PVT1: variants seen among roughly 807,000 people sequenced by gnomAD.
The protein encoded by PVT1 is CXCR4/PVT1 fusion.
At chr8:128,009,271 A>T (rs571474498) in intron 4 of PVT1, among the ~76,000 whole-genome samples, 1 of 152,320 alleles carries the variant, frequency 6.6e-6, no homozygotes, top group South Asian at 2.1e-4. Context: ...CACGACTAAA[A>T]ATTGTTTTAG....
At chr8:127,988,009 G>A (rs1326741219) in intron 3 of PVT1, among the ~76,000 whole-genome samples, 1 of 152,310 alleles carries the variant, frequency 6.6e-6, no homozygotes, top group Non-Finnish European at 1.5e-5. Context: ...ATGGGAGGAG[G>A]CGAGGACTCT....
chr8:128,067,639 G>A (rs1291444466), intron 4 of PVT1, among the ~76,000 whole-genome samples: 1 of 152,128 alleles, frequency 6.6e-6, no homozygotes, highest in Non-Finnish European at 1.5e-5. Context: ...AGGAGGTGTG[G>A]GGATTAACCC....
intron 3 of PVT1, among the ~76,000 whole-genome samples, chr8:127,903,741 G>A (rs1815787304): frequency 6.6e-6 from 1 of 152,150 alleles, no homozygotes; most frequent in South Asian, 2.1e-4. Flanking sequence ...TTGTAGATAA[G>A]TGGCTTTATT....
At chr8:127,937,639 G>A (rs1231812986) in intron 3 of PVT1, among the ~76,000 whole-genome samples, 1 of 150,410 alleles carries the variant, frequency 6.6e-6, no homozygotes, top group Non-Finnish European at 1.5e-5. Flanking sequence ...TAGGTAGTGG[G>A]TTAACCTTCA....
intron 3 of PVT1, among the ~76,000 whole-genome samples, chr8:127,950,991 G>A (rs532487563): frequency 5.9e-5 from 9 of 152,128 alleles, no homozygotes; most frequent in Non-Finnish European, 7.4e-5. Context: ...TCCGCCTCCC[G>A]GATTCAAGCA....
At chr8:128,064,108 C>T (rs1174023162) in intron 4 of PVT1, among the ~76,000 whole-genome samples, 1 of 152,178 alleles carries the variant, frequency 6.6e-6, no homozygotes, top group African/African-American at 2.4e-5. Context: ...TGGGTGACAG[C>T]GCTATTGATA....
chr8:127,887,746 C>T (rs541391655), intron 2 of PVT1, among the ~76,000 whole-genome samples: 1 of 151,944 alleles, frequency 6.6e-6, no homozygotes, highest in Non-Finnish European at 1.5e-5. Flanking sequence ...AGTCTGGTCT[C>T]AAACTCCTGA....
At chr8:128,009,668 T>C (rs1034286576) in intron 4 of PVT1, 3 of 152,244 alleles carry the variant, frequency 2.0e-5, no homozygotes, top group African/African-American at 7.2e-5. Context: ...GTTGTGCCAG[T>C]GCTGATCTGT....
intron 4 of PVT1, among the ~76,000 whole-genome samples, chr8:128,025,453 T>C (rs1817482178): frequency 6.6e-6 from 1 of 152,126 alleles, no homozygotes; most frequent in Non-Finnish European, 1.5e-5. Flanking sequence ...CTGAGAGCCC[T>C]GCACCAGGCA....
chr8:128,041,152 TTGTA>T (rs1213426334), intron 4 of PVT1, among the ~76,000 whole-genome samples: 5 of 150,328 alleles, frequency 3.3e-5, no homozygotes, highest in Admixed American at 6.6e-5. Context: ...GTGTTTCTGC[TTGTA>T]TGTGTGTTTC....
chr8:128,018,917 A>G (rs1034951064), intron 4 of PVT1, among the ~76,000 whole-genome samples: 1 of 152,200 alleles, frequency 6.6e-6, no homozygotes, highest in Non-Finnish European at 1.5e-5. Flanking sequence ...ATGATTCATA[A>G]TGGTTGCAGC....
intron 3 of PVT1, among the ~76,000 whole-genome samples, chr8:127,894,000 A>C (rs1815643262): frequency 6.6e-6 from 1 of 152,234 alleles, no homozygotes; most frequent in Non-Finnish European, 1.5e-5. Context: ...CTCGTGGTGC[A>C]GGAGCTTGCT....
chr8:127,799,146 T>A (rs1024166377), intron 2 of PVT1, among the ~76,000 whole-genome samples: 27 of 152,062 alleles, frequency 1.8e-4, no homozygotes, highest in Admixed American at 1.4e-3. Context: ...GGGGGAGGTA[T>A]GGCATATTGT....
intron 2 of PVT1, among the ~76,000 whole-genome samples, chr8:127,873,133 C>G (rs1341834151): frequency 6.6e-6 from 1 of 152,142 alleles, no homozygotes; most frequent in Non-Finnish European, 1.5e-5. Flanking sequence ...CCTATGGTGT[C>G]CCAAGACAAG....
Position 128,015,723 on chromosome 8 carries a change from A to C in PVT1, n.912+26432A>C, listed in dbSNP as rs188997772. ...GGGAGGCGGAGGTTGCAGTGAGCCAAGATCACGCCACTGCACTCCAGCCTG... is the reference window on the plus strand; with the variant it reads ...GGGAGGCGGAGGTTGCAGTGAGCCACGATCACGCCACTGCACTCCAGCCTG... On this transcript the variant is annotated intron_variant and non_coding_transcript_variant, in intron 4 of 10. Coordinates refer to ENST00000651587, the Ensembl canonical transcript of PVT1. 5.6e-3 allele frequency among the ~76,000 whole-genome samples: 829 copies of C among 147,830 alleles called. 16 individuals are homozygous for C. The East Asian group carries it at 0.074, about 13-fold the overall frequency.
intron 5 of PVT1, among the ~76,000 whole-genome samples, chr8:128,075,409 C>T (rs937413584): frequency 2.0e-4 from 31 of 151,530 alleles, no homozygotes; most frequent in Admixed American, 2.0e-3. Context: ...ATGAATAGAT[C>T]GATGAATCAT....
At chr8:127,844,715 T>C (rs551932584) in intron 2 of PVT1, among the ~76,000 whole-genome samples, 173 of 149,048 alleles carry the variant, frequency 1.2e-3, no homozygotes, top group African/African-American at 4.4e-3. Flanking sequence ...TTTGTTTTTG[T>C]TTTTTTGTTT....
intron 2 of PVT1, among the ~76,000 whole-genome samples, chr8:127,817,546 T>TACACAC (rs1554588971): frequency 6.7e-5 from 6 of 89,950 alleles, no homozygotes; most frequent in South Asian, 3.8e-4. Flanking sequence ...TATATATATA[T>TACACAC]ACACACACAC....
intron 4 of PVT1, chr8:128,049,156 G>C: frequency 1.9e-6 from 1 of 530,926 alleles, no homozygotes; most frequent in South Asian, 1.4e-5. Context: ...CCATGTGCAG[G>C]GCTGGCAGGG....
Sources: gnomAD v4.1 joint callset for allele counts (sites outside exome capture counted in the v4.1 genomes callset) on GRCh38, gnomAD v4.1.1 for gene constraint, MANE v1.5 for transcripts, NCBI Gene and HGNC (gene_info 2026-07-23, HGNC 2026-07-21) for gene names.